The following CNTNAP5 variants were observed in gnomAD, a reference collection of about 807,000 sequenced individuals.
CNTNAP5 encodes the protein contactin associated protein family member 5, also known as contactin-associated protein-like 5.
CNTNAP5 carries 72 observed loss-of-function variants against 150.2 expected under a neutral mutation model. That is an observed-to-expected ratio of 0.48 (90% confidence interval 0.40 to 0.58). The LOEUF (loss-of-function observed/expected upper bound fraction) is 0.58. CNTNAP5 is among the 20% of genes least tolerant of loss of function. The pLI is 0.00. For synonymous variants in CNTNAP5, 672 were observed against 619.8 expected, an observed-to-expected ratio of 1.08 and a Z score of -1.25; for missense variants, 1,636 against 1,626.2, an observed-to-expected ratio of 1.01 and a Z score of -0.10.
At chr2:124,441,041 C>G (rs559058616) in intron 5 of CNTNAP5, among the ~76,000 whole-genome samples, 1 of 152,186 alleles carries the variant, frequency 6.6e-6, no homozygotes, top group African/African-American at 2.4e-5. Flanking sequence ...TCCTACACTT[C>G]TCATAAATAC....
intron 3 of CNTNAP5, among the ~76,000 whole-genome samples, chr2:124,400,267 A>T (rs769911772): frequency 1.3e-5 from 2 of 152,100 alleles, no homozygotes; most frequent in African/African-American, 2.4e-5. Flanking sequence ...GTAAATGAAT[A>T]TATATGCATA....
chr2:124,516,114 A>G (rs1573429123), intron 8 of CNTNAP5, among the ~76,000 whole-genome samples: 2 of 152,230 alleles, frequency 1.3e-5, no homozygotes, highest in African/African-American at 4.8e-5. Context: ...TCAATCTACC[A>G]TAAGTAGGGA....
rs1003195245 is a variant in CNTNAP5, at chr2:124,917,590, A to G, written c.*3302A>G. Among the ~76,000 whole-genome samples the G allele has an allele frequency of 1.3e-5, 2 of 152,092 alleles. No homozygotes were observed. The highest frequency in any genetic ancestry group is 2.9e-5 in the Non-Finnish European group (2 of 67,998). ...AACTTTTTTCCTCTCCTTAGTAATA[A>G]CAGAGATGGTATTAACTTGACTTCT... On this transcript the variant is annotated 3_prime_UTR_variant, in exon 24 of 24. Transcript: ENST00000682447.
intron 1 of CNTNAP5, among the ~76,000 whole-genome samples, chr2:124,031,724 G>T (rs2104621045): frequency 6.6e-6 from 1 of 151,990 alleles, no homozygotes; most frequent in Non-Finnish European, 1.5e-5. Context: ...GTTGCTTATA[G>T]AATCTAAAAA....
chr2:124,302,074 AAGGCAACTGTCTGTAAGCCATGTAGTG>A (rs1460345560), intron 3 of CNTNAP5, among the ~76,000 whole-genome samples: 3 of 152,212 alleles, frequency 2.0e-5, no homozygotes, highest in African/African-American at 7.2e-5. Context: ...ATGCAGTGAG[AAGGCAACTGTCTGTAAGCCATGTAGTG>A]AGGCTGCAAC....
At chr2:124,783,233 T>C (rs766786008) in intron 17 of CNTNAP5, among the ~76,000 whole-genome samples, 26 of 152,210 alleles carry the variant, frequency 1.7e-4, no homozygotes, top group Non-Finnish European at 2.8e-4. Flanking sequence ...TGTGCACTTT[T>C]GCATTTGTTC....
At chr2:124,186,155 C>CCGA (rs1452390893) in intron 1 of CNTNAP5, among the ~76,000 whole-genome samples, 1 of 152,106 alleles carries the variant, frequency 6.6e-6, no homozygotes, top group Non-Finnish European at 1.5e-5. Context: ...CCAGGTGATG[C>CCGA]TGATTGTGTT....
chr2:124,072,419 A>G (rs1682329168), intron 1 of CNTNAP5, among the ~76,000 whole-genome samples: 1 of 151,996 alleles, frequency 6.6e-6, no homozygotes, highest in African/African-American at 2.4e-5. Context: ...CATTCAAATT[A>G]TAAAGAAAGA....
rs1573707288 is a variant in CNTNAP5, at chr2:124,911,532, A to G, written c.3721A>G (p.Ile1241Val). 1 of 1,595,014 alleles carries G rather than the reference A, an allele frequency of 6.3e-7. No homozygotes were observed. Among genetic ancestry groups the G allele is most frequent in the Non-Finnish European group, 8.5e-7 (1 of 1,169,636 alleles). The change falls in exon 23 of 24, where the codon ATC (isoleucine) becomes GTC (valine). Residue 1241 changes from isoleucine (I) to valine (V), a missense_variant. By Grantham distance (29) the Ile-to-Val change is conservative (BLOSUM62 3). Coordinates refer to ENST00000682447, the MANE Select transcript of CNTNAP5 (RefSeq NM_001367498.1). ...TNAVRSDSAV[I>V]GGVIAVVIFI... ...TGCTGTTCGAAGTGATTCGGCAGTC[A>G]TCGGAGGTAAACAATTCATTGTTGT...
chr2:124,730,879 A>T (rs1266456857), intron 13 of CNTNAP5, among the ~76,000 whole-genome samples: 1 of 152,080 alleles, frequency 6.6e-6, no homozygotes, highest in Non-Finnish European at 1.5e-5. Context: ...TTCTTCAGAT[A>T]TGGGGCTGTG....
chr2:124,658,408 C>G (rs1678503269), intron 13 of CNTNAP5, among the ~76,000 whole-genome samples: 1 of 151,742 alleles, frequency 6.6e-6, no homozygotes. Flanking sequence ...CTATATTCAC[C>G]ACACAAAGTT....
chr2:124,188,460 C>T (rs1685382019), intron 1 of CNTNAP5, among the ~76,000 whole-genome samples: 1 of 152,042 alleles, frequency 6.6e-6, no homozygotes, highest in Non-Finnish European at 1.5e-5. Flanking sequence ...TGGCTCATGC[C>T]TGTAATCCCA....
intron 21 of CNTNAP5, among the ~76,000 whole-genome samples, chr2:124,877,849 TGTTA>T (rs1391872933): frequency 6.6e-6 from 1 of 152,134 alleles, no homozygotes; most frequent in Non-Finnish European, 1.5e-5. Context: ...TAGTAGTTAC[TGTTA>T]GTATTATTAT....
chr2:124,590,753 G>A (rs1334586124), intron 11 of CNTNAP5, among the ~76,000 whole-genome samples: 1 of 152,092 alleles, frequency 6.6e-6, no homozygotes, highest in African/African-American at 2.4e-5. Flanking sequence ...ACATTTTTAA[G>A]GCCTTAAAAA....
In CNTNAP5 at chr2:124,092,422, C is replaced by T. The variant is rs150303059; in HGVS notation, c.82+66690C>T. ...CTCCACCTTTAAAAGAGTAAACAAACATTCTCAGCCCGCAGGCTGTACACA... is the reference window on the plus strand; with the variant it reads ...CTCCACCTTTAAAAGAGTAAACAAATATTCTCAGCCCGCAGGCTGTACACA... On this transcript the variant is annotated intron_variant, in intron 1 of 23. Coordinates refer to ENST00000682447, the MANE Select transcript of CNTNAP5 (RefSeq NM_001367498.1). Among the ~76,000 whole-genome samples the T allele has an allele frequency of 1.1e-4, 16 of 152,272 alleles. No individual in the cohort carries two copies. In the South Asian group the frequency reaches 1.2e-3, roughly 12 times the overall value.
At chr2:124,053,250 G>C (rs2104644869) in intron 1 of CNTNAP5, among the ~76,000 whole-genome samples, 1 of 152,264 alleles carries the variant, frequency 6.6e-6, no homozygotes, top group East Asian at 1.9e-4. Context: ...AGGTGAAGCA[G>C]AACCAAAAAT....
intron 1 of CNTNAP5, among the ~76,000 whole-genome samples, chr2:124,111,845 A>G (rs1325282561): frequency 6.6e-6 from 1 of 152,134 alleles, no homozygotes; most frequent in Non-Finnish European, 1.5e-5. Context: ...TTGTGTCACT[A>G]CACTGTATCT....
intron 3 of CNTNAP5, among the ~76,000 whole-genome samples, chr2:124,280,817 CA>C (rs1687994715): frequency 6.6e-6 from 1 of 151,890 alleles, no homozygotes; most frequent in Non-Finnish European, 1.5e-5. Context: ...CTAAAAATAA[CA>C]AAAAGTCCCC....
Position 124,410,939 on chromosome 2 carries a change from G to T in CNTNAP5, c.382-6504G>T, listed in dbSNP as rs1435771507. 3.9e-5 allele frequency among the ~76,000 whole-genome samples: 6 copies of T among 151,978 alleles called. No homozygotes were observed. In the East Asian group the frequency reaches 9.7e-4, roughly 25 times the overall value. On this transcript the variant is annotated intron_variant, in intron 3 of 23. Transcript: ENST00000682447. The stretch of plus-strand genomic sequence containing the variant: ...CTCTTCAAAAAATTAATGAATCCAG[G>T]AGCTGGTTTTTTGAAAGGATCAACA...
Sources: allele counts gnomAD v4.1 joint callset (sites outside exome capture counted in the v4.1 genomes callset), GRCh38; gene constraint gnomAD v4.1.1; transcripts MANE v1.5; gene names NCBI Gene and HGNC (gene_info 2026-07-23, HGNC 2026-07-21).